The following HSD11B1 variants were observed in gnomAD, a reference collection of about 807,000 sequenced individuals.
HSD11B1 encodes hydroxysteroid 11-beta dehydrogenase 1, also known as 11-beta-hydroxysteroid dehydrogenase 1.
A neutral mutation model predicts 22.1 loss-of-function variants in HSD11B1; 15 were observed. The observed-to-expected ratio is 0.68, with a 90% CI of 0.45 to 1.04. The LOEUF (loss-of-function observed/expected upper bound fraction) is 1.04. Among genes scored for constraint, HSD11B1 ranks in the 50% least tolerant of loss-of-function variants. The pLI is 0.00. For missense variants in HSD11B1, 281 were observed against 357.6 expected, an observed-to-expected ratio of 0.79 and a Z score of 1.73; for synonymous variants, 122 against 125.2, an observed-to-expected ratio of 0.97 and a Z score of 0.17.
chr1:209,705,882 C>T lies in HSD11B1; in HGVS notation c.160C>T (p.Leu54=). ...KGIGREMAYH[L]AKMGAHVVVT... ...GATCGGAAGAGAGATGGCTTATCAT[C>T]TGGCGAAGATGGGAGCCCATGTGGT... The change falls in exon 2 of 6, where the codon CTG becomes TTG. Residue 54 remains leucine (L), a synonymous_variant. Transcript: ENST00000367027. 1 of 1,614,002 alleles carries T rather than the reference C, an allele frequency of 6.2e-7. No individual in the cohort carries two copies. Among genetic ancestry groups the T allele is most frequent in the Non-Finnish European group, 8.5e-7 (1 of 1,179,914 alleles).
intron 1 of HSD11B1, among the ~76,000 whole-genome samples, chr1:209,690,086 T>C (rs903764995): frequency 6.6e-6 from 1 of 152,152 alleles, no homozygotes; most frequent in Non-Finnish European, 1.5e-5. Context: ...AAGACTGAAG[T>C]GGGAGGATCA....
intron 1 of HSD11B1, among the ~76,000 whole-genome samples, chr1:209,697,884 C>CTTTTTTGTTTTTTTTTTTTTTTTTT (rs2076800590): frequency 2.4e-5 from 1 of 41,586 alleles, no homozygotes; most frequent in African/African-American, 8.0e-5. Context: ...TTGTTTTTTC[C>CTTTTTTGTTTTTTTTTTTTTTTTTT]TTTTTTTTTT....
chr1:209,722,458 T>C (rs2076972477), intron 4 of HSD11B1, among the ~76,000 whole-genome samples: 1 of 152,190 alleles, frequency 6.6e-6, no homozygotes, highest in African/African-American at 2.4e-5. Flanking sequence ...TGAACCCTCT[T>C]CTCTTTTCAC....
chr1:209,714,023 A>AGT (rs200984100), intron 4 of HSD11B1, among the ~76,000 whole-genome samples: 29,708 of 151,982 alleles, frequency 0.2, 2,940 homozygotes, highest in East Asian at 0.22. Context: ...TCCCAAATAT[A>AGT]CTCATTCATT....
At chr1:209,720,436 C>T (rs1051932901) in intron 4 of HSD11B1, among the ~76,000 whole-genome samples, 25 of 152,070 alleles carry the variant, frequency 1.6e-4, no homozygotes, top group African/African-American at 5.5e-4. Flanking sequence ...AAGGAAGAAT[C>T]AAAAGCCCTG....
intron 4 of HSD11B1, among the ~76,000 whole-genome samples, chr1:209,710,932 G>A (rs951956279): frequency 7.9e-5 from 12 of 152,184 alleles, no homozygotes; most frequent in African/African-American, 2.2e-4. Flanking sequence ...TTACTCATTC[G>A]CAGCATTGTT....
At chr1:209,733,380 C>T (rs184562287) in intron 5 of HSD11B1, among the ~76,000 whole-genome samples, 63 of 152,140 alleles carry the variant, frequency 4.1e-4, no homozygotes, top group African/African-American at 1.4e-3. Context: ...TCAAGGCCAT[C>T]AGAGACAAGG....
intron 4 of HSD11B1, among the ~76,000 whole-genome samples, chr1:209,730,622 G>C (rs951194570): frequency 1.3e-5 from 2 of 152,152 alleles, no homozygotes; most frequent in Non-Finnish European, 2.9e-5. Context: ...TGGATATTGG[G>C]TAGATAACAC....
chr1:209,711,018 C>CAT (rs2076891619), intron 4 of HSD11B1, among the ~76,000 whole-genome samples: 1 of 152,184 alleles, frequency 6.6e-6, no homozygotes. Context: ...GGCAAACATT[C>CAT]ATAAGACAGT....
At chr1:209,705,059 G>T in intron 1 of HSD11B1, 29 bp downstream of exon 1, 1 of 1,567,628 alleles carries the variant, frequency 6.4e-7, no homozygotes, top group Non-Finnish European at 8.8e-7. Flanking sequence ...CATTTTGGAG[G>T]AATAGGTTTA....
chr1:209,718,804 G>C (rs1171344826), intron 4 of HSD11B1, among the ~76,000 whole-genome samples: 1 of 151,992 alleles, frequency 6.6e-6, no homozygotes, highest in Non-Finnish European at 1.5e-5. Flanking sequence ...CAGATTACCT[G>C]AGGTCAGGAG....
intron 1 of HSD11B1, among the ~76,000 whole-genome samples, chr1:209,696,732 T>C (rs1367129370): frequency 2.6e-5 from 4 of 151,926 alleles, no homozygotes; most frequent in Non-Finnish European, 4.4e-5. Context: ...AGGAGGATAT[T>C]TGGGGAGGTT....
At chr1:209,726,283 A>G (rs1330320968) in intron 4 of HSD11B1, among the ~76,000 whole-genome samples, 1 of 100,736 alleles carries the variant, frequency 9.9e-6, no homozygotes, top group African/African-American at 3.5e-5. Context: ...CCGTAAAAAA[A>G]AAAAAAAAAA....
At chr1:209,721,857 C>T (rs1290465750) in intron 4 of HSD11B1, among the ~76,000 whole-genome samples, 1 of 152,180 alleles carries the variant, frequency 6.6e-6, no homozygotes, top group South Asian at 2.1e-4. Context: ...TCCAGCCCTC[C>T]CTGTTGCCTT....
At chr1:209,731,920 T>C (rs1165017660) in intron 4 of HSD11B1, among the ~76,000 whole-genome samples, 1 of 152,226 alleles carries the variant, frequency 6.6e-6, no homozygotes, top group Non-Finnish European at 1.5e-5. Flanking sequence ...TTAGTCAGGC[T>C]GGTCTCGAAC....
At chr1:209,732,288 C>T (rs2077040404) in intron 4 of HSD11B1, 148 bp from the exon 5 acceptor site, 1 of 850,754 alleles carries the variant, frequency 1.2e-6, no homozygotes, top group African/African-American at 1.7e-5. Context: ...CAAAATTCAA[C>T]ACAGCAGTAT....
upstream of HSD11B1, chr1:209,704,808 T>C (rs1206671844): frequency 1.4e-6 from 1 of 693,382 alleles, no homozygotes; most frequent in Non-Finnish European, 2.6e-6. Context: ...TGGCTAGCAC[T>C]GCCTGAGACT....
In HSD11B1 at chr1:209,734,332, A is replaced by G; in HGVS notation, c.690A>G (p.Ile230Met). The G allele has an allele frequency of 6.2e-7, 1 of 1,614,068 alleles. No individual in the cohort carries two copies. Among genetic ancestry groups the G allele is most frequent in the Non-Finnish European group, 8.5e-7 (1 of 1,179,966 alleles). Reference protein sequence around the residue: ...TETAMKAVSGIVHMQAAPKEE... With the variant: ...TETAMKAVSGMVHMQAAPKEE... ...CAGCCATGAAGGCAGTTTCTGGGAT[A>G]GTCCATATGCAAGCAGCTCCAAAGG... The change falls in exon 6 of 6, where the codon ATA becomes ATG. Residue 230 changes from isoleucine to methionine, a missense_variant. By Grantham distance (10) the Ile-to-Met change is conservative. Coordinates refer to ENST00000367027, the MANE Select transcript of HSD11B1 (RefSeq NM_005525.4).
At chr1:209,705,567 C>A (rs2076852697) in intron 1 of HSD11B1, among the ~76,000 whole-genome samples, 2 of 152,166 alleles carry the variant, frequency 1.3e-5, no homozygotes, top group South Asian at 4.1e-4. Flanking sequence ...ATCCTATGAT[C>A]TCTTTCCATG....
Sources: gnomAD v4.1 joint callset for allele counts (sites outside exome capture counted in the v4.1 genomes callset) on GRCh38, gnomAD v4.1.1 for gene constraint, MANE v1.5 for transcripts, NCBI Gene and HGNC (gene_info 2026-07-23, HGNC 2026-07-21) for gene names.